VPS13B: variants seen among roughly 807,000 people sequenced by gnomAD.
The protein encoded by VPS13B is vacuolar protein sorting 13 homolog B.
In VPS13B, 285 loss-of-function variants were observed where a neutral mutation model predicts 426.4. The ratio of observed to expected loss-of-function variants is 0.67; its 90% CI spans 0.61 to 0.74. VPS13B has a LOEUF of 0.74. VPS13B is among the 30% of genes least tolerant of loss of function. VPS13B has a pLI of 0.00. For synonymous variants in VPS13B, 1,676 were observed against 1,676.4 expected, an observed-to-expected ratio of 1.00 and a Z score of 0.01; for missense variants, 4,537 against 4,782.6, an observed-to-expected ratio of 0.95 and a Z score of 1.51.
intron 19 of VPS13B, among the ~76,000 whole-genome samples, chr8:99,354,267 T>TG (rs1491482025): frequency 1.6e-5 from 1 of 62,426 alleles, no homozygotes; most frequent in Non-Finnish European, 2.9e-5. Flanking sequence ...TCCCCCTGCC[T>TG]TTTTTTTTTT....
At chr8:99,619,886 GATAATAATA>G (rs60817713) in intron 33 of VPS13B, among the ~76,000 whole-genome samples, 28 of 146,874 alleles carry the variant, frequency 1.9e-4, no homozygotes, top group African/African-American at 4.0e-4. Flanking sequence ...AAATGATGAT[GATAATAATA>G]ATAATAATAA....
chr8:99,559,583 A>G (rs1389228922), intron 31 of VPS13B, among the ~76,000 whole-genome samples: 8 of 152,164 alleles, frequency 5.3e-5, no homozygotes, highest in Non-Finnish European at 1.0e-4. Context: ...TAATTTTTGT[A>G]TAAGGTGTAA....
intron 3 of VPS13B, among the ~76,000 whole-genome samples, chr8:99,069,676 A>C (rs1844753285): frequency 6.6e-6 from 1 of 152,184 alleles, no homozygotes; most frequent in South Asian, 2.1e-4. Flanking sequence ...AATTATCATT[A>C]CCATTCAGGG....
intron 33 of VPS13B, among the ~76,000 whole-genome samples, chr8:99,585,405 T>C (rs1045531670): frequency 6.6e-6 from 1 of 152,154 alleles, no homozygotes; most frequent in African/African-American, 2.4e-5. Flanking sequence ...TGCAGACTAA[T>C]ACCTCTGGAG....
In VPS13B at chr8:99,810,466, G is replaced by T. The variant is rs1052838961; in HGVS notation, c.8097+936G>T. 2.6e-5 allele frequency among the ~76,000 whole-genome samples: 4 copies of T among 152,232 alleles called. No homozygotes were observed. The East Asian group carries it at 7.7e-4, about 29-fold the overall frequency. ...AAGGAGGAATCAGGAAGCTGCTAGTGAGGTGAACAGTAGGACCCACACCAT... is the reference window on the plus strand; with the variant it reads ...AAGGAGGAATCAGGAAGCTGCTAGTTAGGTGAACAGTAGGACCCACACCAT... On this transcript the variant is annotated intron_variant, in intron 44 of 61. Coordinates refer to ENST00000357162, the MANE Select transcript of VPS13B (RefSeq NM_152564.5).
chr8:99,605,136 T>C (rs1827511835), intron 33 of VPS13B, among the ~76,000 whole-genome samples: 1 of 152,206 alleles, frequency 6.6e-6, no homozygotes, highest in Non-Finnish European at 1.5e-5. Context: ...TACTAGTCTT[T>C]CATTAGTGAT....
chr8:99,172,424 C>T (rs188191467), intron 16 of VPS13B, among the ~76,000 whole-genome samples: 174 of 152,158 alleles, frequency 1.1e-3, no homozygotes, highest in South Asian at 2.5e-3. Context: ...AAGTTCATGA[C>T]GGTCCTGTGA....
At chr8:99,327,245 T>C (rs1810325622) in intron 19 of VPS13B, among the ~76,000 whole-genome samples, 1 of 152,112 alleles carries the variant, frequency 6.6e-6, no homozygotes, top group Admixed American at 6.6e-5. Flanking sequence ...GGAAATTGAG[T>C]CATCCCAATT....
At position 99,776,849 on chromosome 8, in the gene VPS13B, G is replaced by C; in HGVS notation, c.7322G>C (p.Arg2441Thr). Residue 2441 changes from arginine (R) to threonine (T), a missense_variant, in exon 41 of 62, where the codon AGA becomes ACA. Arg to Thr is a moderately conservative substitution (Grantham distance 71). Coordinates refer to ENST00000357162, the MANE Select transcript of VPS13B (RefSeq NM_152564.5). ...VTPTALAACT[R>T]VDSCFTPWFV... ...CCAACAGCCCTGGCTGCCTGTACCA[G>C]AGTTGACTCCTGCTTTACCCCATGG... 1 of 1,614,080 alleles carries C rather than the reference G, an allele frequency of 6.2e-7. No individual in the cohort carries two copies. Among genetic ancestry groups the C allele is most frequent in the Non-Finnish European group, 8.5e-7 (1 of 1,179,964 alleles).
chr8:99,165,764 A>G (rs1161058434), intron 15 of VPS13B, among the ~76,000 whole-genome samples: 1 of 152,114 alleles, frequency 6.6e-6, no homozygotes, highest in African/African-American at 2.4e-5. Flanking sequence ...ATTTGTTCCA[A>G]TTTTCAGTGT....
intron 22 of VPS13B, among the ~76,000 whole-genome samples, chr8:99,440,293 A>G (rs546158601): frequency 6.6e-6 from 1 of 152,266 alleles, no homozygotes; most frequent in African/African-American, 2.4e-5. Context: ...GGTCCCAACC[A>G]GATGGTTTCC....
chr8:99,790,194 T>G (rs998712564), intron 43 of VPS13B, among the ~76,000 whole-genome samples: 1 of 152,210 alleles, frequency 6.6e-6, no homozygotes, highest in Non-Finnish European at 1.5e-5. Flanking sequence ...GATTTATCTC[T>G]CAGACTACAG....
chr8:99,078,777 G>C (rs1178306372), intron 3 of VPS13B, among the ~76,000 whole-genome samples: 1 of 152,140 alleles, frequency 6.6e-6, no homozygotes, highest in Non-Finnish European at 1.5e-5. Context: ...CCAGTGGCAG[G>C]CCAGCAGTGG....
At chr8:99,733,050 G>T (rs1833667531) in intron 39 of VPS13B, among the ~76,000 whole-genome samples, 1 of 152,178 alleles carries the variant, frequency 6.6e-6, no homozygotes, top group African/African-American at 2.4e-5. Flanking sequence ...AGCAATCAGT[G>T]TGTTTGATGT....
intron 19 of VPS13B, among the ~76,000 whole-genome samples, chr8:99,372,962 C>T (rs761930134): frequency 2.0e-5 from 3 of 152,178 alleles, no homozygotes; most frequent in Non-Finnish European, 4.4e-5. Flanking sequence ...GGCCCATATC[C>T]ACAGTGGAAT....
chr8:99,013,865 T>C lies in VPS13B; in HGVS notation c.77T>C (p.Leu26Pro). 1 of 1,614,220 alleles carries C rather than the reference T, an allele frequency of 6.2e-7. No homozygotes were observed. Among genetic ancestry groups the C allele is most frequent in the Non-Finnish European group, 8.5e-7 (1 of 1,180,026 alleles). Residue 26 changes from leucine (L) to proline (P), a missense_variant, in exon 2 of 62, where the codon CTA (leucine) becomes CCA (proline). By Grantham distance (98) the Leu-to-Pro change is moderately conservative. Transcript: ENST00000357162. ...RYIKNLKPSD[L>P]QLSLWGGDVV... ...ATCAAGAACTTAAAGCCGTCGGATC[T>C]ACAGCTTTCACTATGGGGTGGAGAC... is the stretch of plus-strand genomic sequence containing the variant.
chr8:99,662,645 G>A (rs774568403), intron 35 of VPS13B, among the ~76,000 whole-genome samples: 6 of 151,850 alleles, frequency 4.0e-5, no homozygotes, highest in South Asian at 2.1e-4. Context: ...ATGAGGTCTC[G>A]CTATGTTGCC....
At chr8:99,553,518 A>G (rs1375904740) in intron 30 of VPS13B, among the ~76,000 whole-genome samples, 12 of 152,134 alleles carry the variant, frequency 7.9e-5, no homozygotes, top group Admixed American at 6.5e-4. Flanking sequence ...ATACTTCCAT[A>G]ATAGTCATAA....
intron 3 of VPS13B, among the ~76,000 whole-genome samples, chr8:99,049,401 T>C (rs1843410293): frequency 6.6e-6 from 1 of 152,224 alleles, no homozygotes; most frequent in African/African-American, 2.4e-5. Context: ...AAAGACTCTA[T>C]CTTTCCTTCA....
Sources: gnomAD v4.1 joint callset for allele counts (sites outside exome capture counted in the v4.1 genomes callset) on GRCh38, gnomAD v4.1.1 for gene constraint, MANE v1.5 for transcripts, NCBI Gene and HGNC (gene_info 2026-07-23, HGNC 2026-07-21) for gene names.